The following DMXL1 variants were observed in gnomAD, a reference collection of about 807,000 sequenced individuals.
DMXL1 encodes the protein Dmx like 1, also known as dmX-like protein 1.
A neutral mutation model predicts 319.2 loss-of-function variants in DMXL1; 99 were observed. That is an observed-to-expected ratio of 0.31 (90% CI 0.26 to 0.37). The LOEUF (loss-of-function observed/expected upper bound fraction) is 0.37, where lower values mean the gene tolerates loss of function less well. DMXL1 is among the 10% of genes least tolerant of loss of function. The pLI, the probability that DMXL1 is intolerant of heterozygous loss-of-function variation, is 1.00. For missense variants in DMXL1, 3,745 were observed against 3,595.6 expected (o/e 1.04, Z -1.06); for synonymous variants, 1,385 against 1,235.2 (o/e 1.12, Z -2.54).
intron 9 of DMXL1, among the ~76,000 whole-genome samples, chr5:119,126,069 A>G (rs368557904): frequency 2.0e-5 from 3 of 152,034 alleles, no homozygotes; most frequent in African/African-American, 7.2e-5. Flanking sequence ...GGCGGTGGTG[A>G]AGTCAGGAAT....
At chr5:119,101,061 G>A (rs377353315) in intron 2 of DMXL1, among the ~76,000 whole-genome samples, 23 of 152,008 alleles carry the variant, frequency 1.5e-4, no homozygotes, top group East Asian at 7.7e-4. Flanking sequence ...GATTACAGGC[G>A]TGAGCCACCG....
At chr5:119,212,791 A>T (rs1293617692) in intron 34 of DMXL1, among the ~76,000 whole-genome samples, 1 of 152,114 alleles carries the variant, frequency 6.6e-6, no homozygotes, top group Non-Finnish European at 1.5e-5. Context: ...TGAGGCCTTT[A>T]ACAAATAAAA....
chr5:119,101,070 C>T (rs981985298), intron 2 of DMXL1, among the ~76,000 whole-genome samples: 55 of 152,058 alleles, frequency 3.6e-4, no homozygotes, highest in East Asian at 1.9e-4. Flanking sequence ...CGTGAGCCAC[C>T]GCGGCCGGCC....
At chr5:119,125,079 G>T (rs553853115) in intron 9 of DMXL1, among the ~76,000 whole-genome samples, 13 of 152,010 alleles carry the variant, frequency 8.6e-5, no homozygotes, top group African/African-American at 3.1e-4. Context: ...TAAATTTACC[G>T]TTTAAATCTG....
intron 24 of DMXL1, 52 bp downstream of exon 24, chr5:119,171,332 G>A (rs979685848): frequency 1.3e-6 from 2 of 1,509,588 alleles, no homozygotes; most frequent in Non-Finnish European, 1.8e-6. Flanking sequence ...AACTGTTTTT[G>A]GTGTTTCTTT....
At chr5:119,231,651 T>C (rs1786750627) in intron 38 of DMXL1, among the ~76,000 whole-genome samples, 1 of 152,176 alleles carries the variant, frequency 6.6e-6, no homozygotes, top group South Asian at 2.1e-4. Context: ...AGCTTTCAGC[T>C]CAAATTCATG....
At chr5:119,218,724 G>A (rs1447535654) in intron 35 of DMXL1, among the ~76,000 whole-genome samples, 1 of 152,188 alleles carries the variant, frequency 6.6e-6, no homozygotes, top group African/African-American at 2.4e-5. Flanking sequence ...CTCCCAAAGT[G>A]CTGGGATTAC....
At chr5:119,232,816 A>G (rs915392304) in intron 38 of DMXL1, among the ~76,000 whole-genome samples, 2 of 151,946 alleles carry the variant, frequency 1.3e-5, no homozygotes, top group Admixed American at 1.3e-4. Context: ...TCTAAAAAAA[A>G]AAAAAATTAA....
chr5:119,234,811 G>A (rs73247063), intron 39 of DMXL1, among the ~76,000 whole-genome samples: 5,931 of 152,084 alleles, frequency 0.039, 384 homozygotes, highest in African/African-American at 0.14. Context: ...ATAGCTACAT[G>A]ATTACAATAT....
intron 34 of DMXL1, among the ~76,000 whole-genome samples, chr5:119,214,666 A>G (rs567349520): frequency 6.6e-6 from 1 of 151,984 alleles, no homozygotes; most frequent in Non-Finnish European, 1.5e-5. Context: ...TGGGGTTCAG[A>G]GTATTTGTAT....
chr5:119,196,516 T>TTG, intron 31 of DMXL1, 60 bp downstream of exon 31: 2 of 266,186 alleles, frequency 7.5e-6, no homozygotes, highest in South Asian at 7.2e-5. Context: ...TACTCTGTTG[T>TTG]TTTTTTTTTT....
intron 1 of DMXL1, among the ~76,000 whole-genome samples, chr5:119,089,656 A>G (rs1754255760): frequency 7.9e-6 from 1 of 126,200 alleles, no homozygotes. Flanking sequence ...ACAGAGTTTC[A>G]CTCTTGTTGC....
Position 119,193,869 on chromosome 5 carries a change from AGAG to A in DMXL1, c.7360_7362del (p.Glu2454del). On this transcript the variant is annotated inframe_deletion, in exon 30 of 44. Transcript: ENST00000539542. Reference sequence around the variant, plus strand: ...CTCAAAGTAGAGCCGAATATGATTCAGAGGAGAGTCTGGGAAGTGATGATGATG... The same window carrying A: ...CTCAAAGTAGAGCCGAATATGATTCAGAGAGTCTGGGAAGTGATGATGATG... 1.2e-6 allele frequency: 2 copies of A among 1,613,212 alleles called. No homozygotes were observed. Among genetic ancestry groups the A allele is most frequent in the Non-Finnish European group, 1.7e-6 (2 of 1,179,612 alleles).
At chr5:119,223,749 AT>A (rs1043378090) in intron 37 of DMXL1, among the ~76,000 whole-genome samples, 2 of 151,882 alleles carry the variant, frequency 1.3e-5, no homozygotes, top group Admixed American at 6.6e-5. Flanking sequence ...GTGTTTGTAT[AT>A]TTTTTTTACG....
chr5:119,235,376 C>G (rs1013823788), intron 39 of DMXL1, among the ~76,000 whole-genome samples: 1 of 151,940 alleles, frequency 6.6e-6, no homozygotes, highest in Non-Finnish European at 1.5e-5. Flanking sequence ...ATTAAAAATA[C>G]GATTCCCAAA....
chr5:119,113,713 T>C (rs973125699), intron 5 of DMXL1, among the ~76,000 whole-genome samples: 2 of 152,208 alleles, frequency 1.3e-5, no homozygotes, highest in African/African-American at 2.4e-5. Context: ...TGGTGAAAAA[T>C]GTAAATGATT....
chr5:119,082,020 T>TATACACACAC (rs1200957102), intron 1 of DMXL1, among the ~76,000 whole-genome samples: 18 of 108,142 alleles, frequency 1.7e-4, no homozygotes, highest in South Asian at 6.1e-4. Flanking sequence ...TATATATATA[T>TATACACACAC]ACACACACAC....
chr5:119,110,099 T>G, intron 4 of DMXL1, 52 bp from the exon 5 acceptor site: 1 of 1,462,554 alleles, frequency 6.8e-7, no homozygotes, highest in South Asian at 1.3e-5. Context: ...GCATGTAAAT[T>G]AAGTCACTAT....
chr5:119,210,147 C>T (rs1782492021), intron 34 of DMXL1, among the ~76,000 whole-genome samples: 1 of 152,008 alleles, frequency 6.6e-6, no homozygotes, highest in Non-Finnish European at 1.5e-5. Flanking sequence ...GACTGGGTTT[C>T]ACCATGTTAC....
Sources: gnomAD v4.1 joint callset for allele counts (sites outside exome capture counted in the v4.1 genomes callset) on GRCh38, gnomAD v4.1.1 for gene constraint, MANE v1.5 for transcripts, NCBI Gene and HGNC (gene_info 2026-07-23, HGNC 2026-07-21) for gene names.